The following VPS13B variants were observed in gnomAD, a reference collection of about 807,000 sequenced individuals.
VPS13B encodes the protein intermembrane lipid transfer protein VPS13B.
In VPS13B, 285 loss-of-function variants were observed where a neutral mutation model predicts 426.4. The ratio of observed to expected loss-of-function variants is 0.67; its 90% CI spans 0.61 to 0.74. The LOEUF (loss-of-function observed/expected upper bound fraction) is 0.74. Ranked by LOEUF, VPS13B falls within the 30% of genes least tolerant of loss-of-function variation. The pLI, the probability that VPS13B is intolerant of heterozygous loss-of-function variation, is 0.00. For missense variants in VPS13B, 4,537 were observed against 4,782.6 expected (o/e 0.95, Z 1.51); for synonymous variants, 1,676 against 1,676.4 (o/e 1.00, Z 0.01).
intron 33 of VPS13B, among the ~76,000 whole-genome samples, chr8:99,587,636 TTCATA>T (rs1826375206): frequency 6.6e-6 from 1 of 151,878 alleles, no homozygotes; most frequent in Non-Finnish European, 1.5e-5. Context: ...AAAGTGTCTA[TTCATA>T]TCCTTTGCCC....
chr8:99,561,028 G>A (rs1824892704), intron 31 of VPS13B, among the ~76,000 whole-genome samples: 1 of 152,060 alleles, frequency 6.6e-6, no homozygotes, highest in Non-Finnish European at 1.5e-5. Context: ...AATAATTTAT[G>A]GAGATAAATT....
chr8:99,130,218 T>A (rs1809703094), intron 8 of VPS13B, among the ~76,000 whole-genome samples: 1 of 152,182 alleles, frequency 6.6e-6, no homozygotes, highest in African/African-American at 2.4e-5. Flanking sequence ...TCAGCTTAGA[T>A]TTGAAGAATG....
At chr8:99,541,536 C>T (rs1359252178) in intron 30 of VPS13B, among the ~76,000 whole-genome samples, 1 of 152,040 alleles carries the variant, frequency 6.6e-6, no homozygotes, top group Non-Finnish European at 1.5e-5. Context: ...GTGTGATGTT[C>T]CCCTCCCTGT....
intron 29 of VPS13B, among the ~76,000 whole-genome samples, chr8:99,517,252 G>A (rs559588449): frequency 6.6e-6 from 1 of 152,240 alleles, no homozygotes; most frequent in Non-Finnish European, 1.5e-5. Flanking sequence ...AAAGTTTGTT[G>A]TAAGCAACAT....
chr8:99,093,464 G>A (rs1846259705), intron 3 of VPS13B, among the ~76,000 whole-genome samples: 1 of 151,438 alleles, frequency 6.6e-6, no homozygotes, highest in Admixed American at 6.6e-5. Flanking sequence ...GTGCCATGCT[G>A]GTGCGCTGCA....
At chr8:99,829,106 T>A (rs2130847250) in intron 51 of VPS13B, among the ~76,000 whole-genome samples, 1 of 152,316 alleles carries the variant, frequency 6.6e-6, no homozygotes, top group African/African-American at 2.4e-5. Flanking sequence ...AGGAGTATCT[T>A]TATGGTGTTC....
intron 30 of VPS13B, among the ~76,000 whole-genome samples, chr8:99,538,534 T>C (rs1823383428): frequency 6.6e-6 from 1 of 152,170 alleles, no homozygotes; most frequent in Admixed American, 6.5e-5. Context: ...TGAGTGTGTG[T>C]GTGTTTGAGG....
chr8:99,823,079 T>C (rs1411226145), intron 50 of VPS13B, among the ~76,000 whole-genome samples: 1 of 152,188 alleles, frequency 6.6e-6, no homozygotes, highest in African/African-American at 2.4e-5. Flanking sequence ...TGAGCATCAG[T>C]TCCTTACATA....
intron 23 of VPS13B, among the ~76,000 whole-genome samples, chr8:99,458,788 T>G (rs573827679): frequency 6.6e-6 from 1 of 152,354 alleles, no homozygotes; most frequent in African/African-American, 2.4e-5. Context: ...ATTGTAAATT[T>G]GTTTGAGTTC....
intron 15 of VPS13B, among the ~76,000 whole-genome samples, chr8:99,165,892 GAA>G (rs1291200756): frequency 4.6e-5 from 7 of 152,182 alleles, no homozygotes; most frequent in African/African-American, 1.7e-4. Flanking sequence ...ACAAGAGAGA[GAA>G]CAAATTTTAC....
In VPS13B at chr8:99,349,257, C is replaced by T. The variant is rs563446751; in HGVS notation, c.2825-34951C>T. Among the ~76,000 whole-genome samples the T allele has an allele frequency of 6.5e-3, 800 of 122,206 alleles. 13 individuals carry two copies. The highest frequency in any genetic ancestry group is 0.024 in the African/African-American group (762 of 31,488). 80.2% of individuals were successfully genotyped at this position (122,206 alleles called of 152,430 possible). ...CTGAGGCAGGAGAATGGCGTGTACC[C>T]GGGAGGCGGAGCTTGCAGTGAGCCG... On this transcript the variant is annotated intron_variant, in intron 19 of 61. Transcript: ENST00000357162.
At chr8:99,875,287 T>A in intron 61 of VPS13B, 131 bp from the exon 62 acceptor site, 1 of 1,288,660 alleles carries the variant, frequency 7.8e-7, no homozygotes, top group Non-Finnish European at 1.1e-6. Flanking sequence ...AAAGGAAACA[T>A]TCTGGATTAA....
intron 58 of VPS13B, among the ~76,000 whole-genome samples, chr8:99,865,300 G>T (rs1220953540): frequency 2.0e-5 from 3 of 152,204 alleles, no homozygotes; most frequent in Non-Finnish European, 4.4e-5. Context: ...TGCATTCTGC[G>T]TTTCCTCCCA....
intron 33 of VPS13B, among the ~76,000 whole-genome samples, chr8:99,634,823 A>G (rs1256977006): frequency 1.3e-5 from 2 of 151,950 alleles, no homozygotes; most frequent in African/African-American, 4.8e-5. Flanking sequence ...GTGCTTGCTA[A>G]GATAAATTTC....
chr8:99,104,737 T>A (rs1846952534), intron 5 of VPS13B, among the ~76,000 whole-genome samples: 2 of 151,934 alleles, frequency 1.3e-5, no homozygotes, highest in Non-Finnish European at 1.5e-5. Context: ...GATCCTCCCA[T>A]CTTAGCCTCC....
intron 33 of VPS13B, among the ~76,000 whole-genome samples, chr8:99,639,227 C>T (rs1274130741): frequency 1.3e-5 from 2 of 152,158 alleles, no homozygotes; most frequent in Non-Finnish European, 2.9e-5. Flanking sequence ...TGTCTTAACA[C>T]TGTCTGATAC....
At chr8:99,348,400 A>G (rs1382051886) in intron 19 of VPS13B, 2 of 152,220 alleles carry the variant, frequency 1.3e-5, no homozygotes, top group Non-Finnish European at 2.9e-5. Flanking sequence ...CATATTTAGC[A>G]CATTGCATTT....
intron 39 of VPS13B, among the ~76,000 whole-genome samples, chr8:99,727,864 A>T (rs1369731935): frequency 3.3e-5 from 5 of 152,372 alleles, no homozygotes; most frequent in Admixed American, 2.6e-4. Context: ...TCCTGGCAGC[A>T]ACCAAAGAAA....
At chr8:99,443,986 C>T (rs992874975) in intron 23 of VPS13B, among the ~76,000 whole-genome samples, 13 of 150,816 alleles carry the variant, frequency 8.6e-5, no homozygotes, top group South Asian at 2.1e-4. Flanking sequence ...TGTTATTATC[C>T]GCTTTGTTTC....
Sources: allele counts gnomAD v4.1 joint callset (sites outside exome capture counted in the v4.1 genomes callset), GRCh38; gene constraint gnomAD v4.1.1; transcripts MANE v1.5; gene names NCBI Gene and HGNC (gene_info 2026-07-23, HGNC 2026-07-21).